MCU: variants seen among roughly 807,000 people sequenced by gnomAD.
MCU encodes mitochondrial calcium uniporter.
In MCU, 12 loss-of-function variants were observed where a neutral mutation model predicts 45.2. The ratio of observed to expected loss-of-function variants is 0.27; its 90% CI spans 0.17 to 0.43. MCU has a LOEUF of 0.43. Among genes scored for constraint, MCU ranks in the 20% least tolerant of loss-of-function variants. The pLI is 1.00. For missense variants in MCU, 324 were observed against 436.7 expected (o/e 0.74, Z 2.30); for synonymous variants, 160 against 165.1 (o/e 0.97, Z 0.24).
chr10:72,809,415 G>A (rs1269365111), intron 1 of MCU, among the ~76,000 whole-genome samples: 2 of 152,116 alleles, frequency 1.3e-5, no homozygotes, highest in East Asian at 1.9e-4. Flanking sequence ...AGCAAAAAGG[G>A]TGATGGTAGA....
chr10:72,782,580 C>CA (rs1428350925), intron 1 of MCU, among the ~76,000 whole-genome samples: 1 of 152,144 alleles, frequency 6.6e-6, no homozygotes, highest in African/African-American at 2.4e-5. Context: ...CCATGTTGGC[C>CA]AATCTAGTCT....
intron 2 of MCU, among the ~76,000 whole-genome samples, chr10:72,856,811 T>C (rs1589498693): frequency 2.9e-4 from 1 of 3,402 alleles, no homozygotes; most frequent in African/African-American, 1.3e-3. Context: ...GGCATGGTGG[T>C]GCACGCCTGT....
intron 1 of MCU, among the ~76,000 whole-genome samples, chr10:72,715,583 G>A (rs980557157): frequency 1.3e-5 from 2 of 152,182 alleles, no homozygotes; most frequent in African/African-American, 4.8e-5. Flanking sequence ...CTGTCTGCTG[G>A]TGTAAACCAA....
At chr10:72,807,181 C>T (rs1192422128) in intron 1 of MCU, among the ~76,000 whole-genome samples, 1 of 151,908 alleles carries the variant, frequency 6.6e-6, no homozygotes, top group Admixed American at 6.6e-5. Flanking sequence ...GCCTGATGGC[C>T]ACAAAGACTT....
At chr10:72,846,244 T>A (rs1289820864) in intron 2 of MCU, among the ~76,000 whole-genome samples, 1 of 152,168 alleles carries the variant, frequency 6.6e-6, no homozygotes, top group Non-Finnish European at 1.5e-5. Flanking sequence ...GGTTTCACCA[T>A]GTTGGCCAGG....
rs1435700671 is a variant in MCU, at chr10:72,741,930, A to G, written c.150+49629A>G. Among the ~76,000 whole-genome samples, 3 of 144,172 alleles carry G rather than the reference A, an allele frequency of 2.1e-5. No homozygotes were observed. In the East Asian group the frequency reaches 6.6e-4, roughly 32 times the overall value. 94.6% of individuals were successfully genotyped at this position (144,172 alleles called of 152,430 possible). A position where few individuals can be genotyped will look rare whatever the true frequency, so the allele number is the denominator to read the frequency against. ...GTAGTCCCAGCTACTGGGGAGGCTG[A>G]GGCAGGAGAATGGCGTGAACCCGGG... is the stretch of plus-strand genomic sequence containing the variant. On this transcript the variant is annotated intron_variant, in intron 1 of 7. Coordinates refer to ENST00000373053, the MANE Select transcript of MCU (RefSeq NM_138357.3).
intron 1 of MCU, among the ~76,000 whole-genome samples, chr10:72,707,597 G>T (rs185852291): frequency 4.2e-5 from 6 of 142,378 alleles, no homozygotes; most frequent in African/African-American, 1.6e-4. Context: ...AGAGGTGGTC[G>T]TGGTGAGTGG....
intron 6 of MCU, among the ~76,000 whole-genome samples, chr10:72,871,833 C>T (rs1845547256): frequency 1.3e-5 from 2 of 152,142 alleles, no homozygotes; most frequent in African/African-American, 4.8e-5. Flanking sequence ...CCATTAAATT[C>T]AGAGAAATAT....
intron 4 of MCU, among the ~76,000 whole-genome samples, chr10:72,867,144 A>G (rs888941827): frequency 6.6e-6 from 1 of 150,788 alleles, no homozygotes; most frequent in African/African-American, 2.4e-5. Flanking sequence ...GAATTTTTTC[A>G]TTGATTGAAC....
intron 1 of MCU, among the ~76,000 whole-genome samples, chr10:72,777,346 A>G (rs909111814): frequency 1.3e-5 from 2 of 152,242 alleles, no homozygotes; most frequent in African/African-American, 4.8e-5. Context: ...GCTTAAAAGC[A>G]GACACATAGA....
Position 72,812,289 on chromosome 10 carries a change from A to G in MCU, c.151-22070A>G, listed in dbSNP as rs537763706. Among the ~76,000 whole-genome samples, 5 of 152,146 alleles carry G rather than the reference A, an allele frequency of 3.3e-5. No homozygotes were observed. The East Asian group carries it at 9.7e-4, about 29-fold the overall frequency. ...GCCTCCCGAGTAGCTGGGATTGCAGACATCTGCCACCATGCCCAACTAATT... is the reference window on the plus strand; with the variant it reads ...GCCTCCCGAGTAGCTGGGATTGCAGGCATCTGCCACCATGCCCAACTAATT... On this transcript the variant is annotated intron_variant, in intron 1 of 7. Transcript: ENST00000373053.
At chr10:72,842,971 A>T (rs945024943) in intron 2 of MCU, among the ~76,000 whole-genome samples, 1 of 152,058 alleles carries the variant, frequency 6.6e-6, no homozygotes, top group Non-Finnish European at 1.5e-5. Flanking sequence ...TCAGATTCTC[A>T]GAGGTTAATT....
chr10:72,790,907 T>C (rs1260707801), intron 1 of MCU, among the ~76,000 whole-genome samples: 3 of 152,194 alleles, frequency 2.0e-5, no homozygotes, highest in African/African-American at 4.8e-5. Context: ...AGGAAACATA[T>C]TGTGGTCTGA....
At chr10:72,784,277 G>A (rs1268211855) in intron 1 of MCU, among the ~76,000 whole-genome samples, 1 of 152,154 alleles carries the variant, frequency 6.6e-6, no homozygotes, top group Non-Finnish European at 1.5e-5. Context: ...TGTTTTTTCA[G>A]ATCCTATCAA....
intron 2 of MCU, among the ~76,000 whole-genome samples, chr10:72,847,201 C>G (rs1230595994): frequency 6.6e-6 from 1 of 152,160 alleles, no homozygotes; most frequent in Non-Finnish European, 1.5e-5. Context: ...TCTAGAACTC[C>G]TGACCTCAAG....
At chr10:72,857,337 T>C (rs1310991943) in intron 2 of MCU, among the ~76,000 whole-genome samples, 1 of 151,998 alleles carries the variant, frequency 6.6e-6, no homozygotes, top group East Asian at 1.9e-4. Flanking sequence ...CCTCCTGGGT[T>C]GAAGTGATTC....
chr10:72,789,332 G>A (rs918367281), intron 1 of MCU, among the ~76,000 whole-genome samples: 11 of 151,826 alleles, frequency 7.2e-5, no homozygotes, highest in Admixed American at 7.2e-4. Flanking sequence ...AGTATCTAAG[G>A]GTCAAATGAC....
At chr10:72,780,679 C>G (rs1843979184) in intron 1 of MCU, among the ~76,000 whole-genome samples, 1 of 152,074 alleles carries the variant, frequency 6.6e-6, no homozygotes, top group African/African-American at 2.4e-5. Flanking sequence ...CTCAGAGCTT[C>G]TCTCCTGCTG....
rs1042944090 is a variant in MCU, at chr10:72,861,595, C to T, written c.496+1068C>T. On this transcript the variant is annotated intron_variant, in intron 4 of 7. Coordinates refer to ENST00000373053, the MANE Select transcript of MCU (RefSeq NM_138357.3). Reference sequence around the variant, plus strand: ...CTCTTGACCTCAGGTGATCCATCCACCTTGGCCTCCCAAAGTGCTGTGATT... The same window carrying T: ...CTCTTGACCTCAGGTGATCCATCCATCTTGGCCTCCCAAAGTGCTGTGATT... 2.0e-4 allele frequency: 69 copies of T among 346,008 alleles called. 1 individual carries two copies. In the Middle Eastern group the frequency reaches 6.3e-3, roughly 32 times the overall value. 21.4% of individuals were successfully genotyped at this position (346,008 alleles called of 1,614,324 possible). A position where few individuals can be genotyped will look rare whatever the true frequency, so the allele number is the denominator to read the frequency against.
Sources: gnomAD v4.1 joint callset for allele counts (sites outside exome capture counted in the v4.1 genomes callset) on GRCh38, gnomAD v4.1.1 for gene constraint, MANE v1.5 for transcripts, NCBI Gene and HGNC (gene_info 2026-07-23, HGNC 2026-07-21) for gene names.